DLGAP2: variants seen among roughly 807,000 people sequenced by gnomAD.
DLGAP2 encodes the protein DLG associated protein 2, also known as disks large-associated protein 2.
Under a neutral mutation model 100.3 loss-of-function variants are expected in DLGAP2, and 26 were observed. That is an observed-to-expected ratio of 0.26 (90% CI 0.19 to 0.36). The LOEUF (loss-of-function observed/expected upper bound fraction) is 0.36, where lower values mean the gene tolerates loss of function less well. DLGAP2 is among the 10% of genes least tolerant of loss of function. The pLI, the probability that DLGAP2 is intolerant of heterozygous loss-of-function variation, is 1.00. For missense variants in DLGAP2, 1,858 were observed against 1,453.2 expected (o/e 1.28, Z -4.53); for synonymous variants, 886 against 630.1 (o/e 1.41, Z -6.08).
intron 1 of DLGAP2, among the ~76,000 whole-genome samples, chr8:903,170 C>T (rs1261752165): frequency 6.6e-6 from 1 of 151,902 alleles, no homozygotes; most frequent in Non-Finnish European, 1.5e-5. Context: ...AATGTCAGGA[C>T]GTTTTTATCC....
intron 1 of DLGAP2, among the ~76,000 whole-genome samples, chr8:771,798 G>T (rs983701012): frequency 5.3e-5 from 8 of 152,222 alleles, no homozygotes; most frequent in African/African-American, 1.7e-4. Flanking sequence ...CATAAAAATT[G>T]AAGTGGCACA....
At chr8:1,266,215 C>T (rs73670701) in intron 3 of DLGAP2, among the ~76,000 whole-genome samples, 30,864 of 152,204 alleles carry the variant, frequency 0.2, 3,369 homozygotes, top group Admixed American at 0.25. Flanking sequence ...TTGCCAAGTT[C>T]ACAAAGTTTA....
intron 1 of DLGAP2, among the ~76,000 whole-genome samples, chr8:899,830 C>T (rs951597072): frequency 7.2e-5 from 11 of 152,128 alleles, no homozygotes; most frequent in African/African-American, 2.4e-4. Context: ...CATTCAGTGG[C>T]GTGGTGTAAC....
At chr8:1,254,894 G>A (rs1195957928) in intron 2 of DLGAP2, among the ~76,000 whole-genome samples, 1 of 151,206 alleles carries the variant, frequency 6.6e-6, no homozygotes, top group Non-Finnish European at 1.5e-5. Flanking sequence ...CCCGCGTGCT[G>A]TGTCTGTGCT....
intron 2 of DLGAP2, among the ~76,000 whole-genome samples, chr8:1,141,434 A>T (rs1388453408): frequency 6.6e-6 from 1 of 152,220 alleles, no homozygotes; most frequent in East Asian, 1.9e-4. Flanking sequence ...CGTGAATCAG[A>T]ACTCTTGAAT....
intron 1 of DLGAP2, among the ~76,000 whole-genome samples, chr8:831,657 A>G (rs909931353): frequency 6.6e-6 from 1 of 152,160 alleles, no homozygotes; most frequent in Non-Finnish European, 1.5e-5. Context: ...GCTATTGTTA[A>G]TAGTGCCACA....
chr8:1,475,892 C>A (rs576855318), intron 3 of DLGAP2, among the ~76,000 whole-genome samples: 3 of 152,280 alleles, frequency 2.0e-5, no homozygotes, highest in Non-Finnish European at 4.4e-5. Context: ...CCTAGGAAAT[C>A]TTAGAAGTAG....
At chr8:1,267,915 A>T (rs1031728101) in intron 3 of DLGAP2, among the ~76,000 whole-genome samples, 13 of 152,272 alleles carry the variant, frequency 8.5e-5, no homozygotes, top group African/African-American at 2.9e-4. Flanking sequence ...TGAATCAAAT[A>T]CATAAAGCTG....
chr8:1,486,269 G>C (rs561083840), intron 3 of DLGAP2, among the ~76,000 whole-genome samples: 1 of 152,146 alleles, frequency 6.6e-6, no homozygotes, highest in Admixed American at 6.5e-5. Flanking sequence ...TGCATATTAC[G>C]GCAGATGGAA....
chr8:1,388,240 G>A (rs1324927477), intron 3 of DLGAP2, among the ~76,000 whole-genome samples: 1 of 125,482 alleles, frequency 8.0e-6, no homozygotes, highest in African/African-American at 3.1e-5. Context: ...TGTCAGGGCT[G>A]TAAGAGGCAG....
At chr8:1,245,306 A>T (rs1798880171) in intron 2 of DLGAP2, among the ~76,000 whole-genome samples, 1 of 152,236 alleles carries the variant, frequency 6.6e-6, no homozygotes, top group Admixed American at 6.5e-5. Flanking sequence ...TTACAGAGGC[A>T]TTATTCATGA....
chr8:954,036 C>T (rs1799541429), intron 2 of DLGAP2, among the ~76,000 whole-genome samples: 1 of 152,190 alleles, frequency 6.6e-6, no homozygotes, highest in Non-Finnish European at 1.5e-5. Flanking sequence ...TAGCTCTCCC[C>T]TATGTGTGCA....
chr8:1,626,894 G>A lies in DLGAP2; in HGVS notation c.1590+7G>A. 6.3e-7 allele frequency: 1 copy of A among 1,586,302 alleles called. No homozygotes were observed. The highest frequency in any genetic ancestry group is 8.6e-7 in the Non-Finnish European group (1 of 1,166,556). On this transcript the variant is annotated splice_region_variant and intron_variant, in intron 7 of 14. Transcript: ENST00000637795. ...GGCCAGCTGCGTGAGCCAGGTCAGG[G>A]TCCCTTCGCCCTTTCTCCCTGGGGT...
chr8:791,110 C>G (rs1028769761), intron 1 of DLGAP2, among the ~76,000 whole-genome samples: 56 of 152,178 alleles, frequency 3.7e-4, no homozygotes, highest in African/African-American at 1.3e-3. Flanking sequence ...TTCTTATTTG[C>G]TTAATTTTTC....
intron 2 of DLGAP2, among the ~76,000 whole-genome samples, chr8:1,012,729 C>T (rs1203168777): frequency 4.5e-5 from 6 of 133,930 alleles, no homozygotes; most frequent in Admixed American, 7.4e-5. Flanking sequence ...ACCGTCCGAC[C>T]GGCCCCCCCA....
chr8:783,878 C>T (rs1029549041), intron 1 of DLGAP2, among the ~76,000 whole-genome samples: 1 of 152,138 alleles, frequency 6.6e-6, no homozygotes, highest in South Asian at 2.1e-4. Context: ...TTTTTAGTTT[C>T]CCATTTCTTG....
intron 2 of DLGAP2, among the ~76,000 whole-genome samples, chr8:1,059,093 T>C (rs11996703): frequency 0.45 from 68,124 of 151,936 alleles, 16,251 homozygotes; most frequent in African/African-American, 0.61. Flanking sequence ...AAACCTCAGG[T>C]TCGCCCATCT....
chr8:1,453,969 G>A (rs569756245), intron 3 of DLGAP2, among the ~76,000 whole-genome samples: 2 of 152,378 alleles, frequency 1.3e-5, no homozygotes, highest in African/African-American at 4.8e-5. Flanking sequence ...GATGTGGCGT[G>A]TGGCGCAGGC....
At chr8:1,270,275 A>G (rs771672438) in intron 3 of DLGAP2, among the ~76,000 whole-genome samples, 1 of 152,186 alleles carries the variant, frequency 6.6e-6, no homozygotes, top group Non-Finnish European at 1.5e-5. Flanking sequence ...CAGAGGAGCA[A>G]CGTCTGCAGA....
Sources: allele counts gnomAD v4.1 joint callset (sites outside exome capture counted in the v4.1 genomes callset), GRCh38; gene constraint gnomAD v4.1.1; transcripts MANE v1.5; gene names NCBI Gene and HGNC (gene_info 2026-07-23, HGNC 2026-07-21).